UNC5D: variants seen among roughly 807,000 people sequenced by gnomAD.
UNC5D encodes the protein unc-5 netrin receptor D, also known as netrin receptor UNC5D.
Under a neutral mutation model 105.4 loss-of-function variants are expected in UNC5D, and 39 were observed. The observed-to-expected ratio is 0.37, with a 90% CI of 0.29 to 0.48. The LOEUF is 0.48. Among genes scored for constraint, UNC5D ranks in the 20% least tolerant of loss-of-function variants. UNC5D has a pLI of 0.98. For missense variants in UNC5D, 991 were observed against 1,202.4 expected, an observed-to-expected ratio of 0.82 and a Z score of 2.60; for synonymous variants, 452 against 450.4, an observed-to-expected ratio of 1.00 and a Z score of -0.04.
rs181273929 is a variant in UNC5D, at chr8:35,786,209, A to G, written c.2658-4150A>G. On this transcript the variant is annotated intron_variant, in intron 16 of 16. Coordinates refer to ENST00000404895, the MANE Select transcript of UNC5D (RefSeq NM_080872.4). ...TTCTACTATTTTTAATAAGGCCAAT[A>G]TATTCTTCTATGTATATATTAAAAT... Among the ~76,000 whole-genome samples the G allele has an allele frequency of 1.4e-3, 207 of 152,300 alleles. 2 individuals carry two copies. The highest frequency in any genetic ancestry group is 2.7e-3 in the Non-Finnish European group (181 of 68,024).
chr8:35,589,628 T>G (rs1819029804), intron 3 of UNC5D, among the ~76,000 whole-genome samples: 1 of 152,112 alleles, frequency 6.6e-6, no homozygotes, highest in Admixed American at 6.6e-5. Context: ...CCACCAAAAC[T>G]ACTTCTCTTT....
chr8:35,331,871 A>G (rs967848820), intron 1 of UNC5D, among the ~76,000 whole-genome samples: 2 of 152,168 alleles, frequency 1.3e-5, no homozygotes, highest in African/African-American at 4.8e-5. Flanking sequence ...TTCTTTGCCC[A>G]GATCTTGGTA....
intron 1 of UNC5D, among the ~76,000 whole-genome samples, chr8:35,404,332 T>C (rs779727294): frequency 1.3e-5 from 2 of 152,104 alleles, no homozygotes; most frequent in Non-Finnish European, 2.9e-5. Context: ...CAATGTACCA[T>C]CCTGACACCC....
intron 1 of UNC5D, among the ~76,000 whole-genome samples, chr8:35,432,233 T>C (rs190811164): frequency 5.1e-4 from 78 of 152,272 alleles, no homozygotes; most frequent in Admixed American, 2.6e-3. Flanking sequence ...CTGGGGAAAA[T>C]ATTTAAAATA....
chr8:35,604,366 T>A (rs190374294), intron 4 of UNC5D, among the ~76,000 whole-genome samples: 1 of 152,360 alleles, frequency 6.6e-6, no homozygotes, highest in East Asian at 1.9e-4. Flanking sequence ...ATGTGGAATA[T>A]TGGCCCCCAC....
At chr8:35,619,329 CG>C (rs1821215033) in intron 4 of UNC5D, among the ~76,000 whole-genome samples, 1 of 152,096 alleles carries the variant, frequency 6.6e-6, no homozygotes, top group East Asian at 1.9e-4. Flanking sequence ...GAAGCAAGAT[CG>C]GCATGGTCAA....
At chr8:35,374,316 A>G (rs894550594) in intron 1 of UNC5D, among the ~76,000 whole-genome samples, 1 of 152,190 alleles carries the variant, frequency 6.6e-6, no homozygotes, top group Non-Finnish European at 1.5e-5. Context: ...TTAAAGTTGT[A>G]CTGGTGAAAA....
At chr8:35,293,150 A>T (rs2128863520) in intron 1 of UNC5D, among the ~76,000 whole-genome samples, 2 of 152,280 alleles carry the variant, frequency 1.3e-5, no homozygotes, top group Middle Eastern at 6.8e-3. Context: ...GATGAGGAAG[A>T]TGAGGGTTTG....
intron 4 of UNC5D, among the ~76,000 whole-genome samples, chr8:35,617,169 C>A (rs951545063): frequency 2.0e-5 from 3 of 152,184 alleles, no homozygotes; most frequent in East Asian, 3.9e-4. Context: ...GCCACAATCA[C>A]CACAGCCACA....
chr8:35,446,000 T>C (rs192653979), intron 1 of UNC5D, among the ~76,000 whole-genome samples: 9 of 152,114 alleles, frequency 5.9e-5, no homozygotes, highest in Middle Eastern at 3.4e-3. Flanking sequence ...GCATTGACAA[T>C]TTTTTCTTAA....
intron 4 of UNC5D, among the ~76,000 whole-genome samples, chr8:35,642,192 A>T (rs758181265): frequency 2.8e-4 from 42 of 152,246 alleles, no homozygotes; most frequent in Middle Eastern, 6.8e-3. Context: ...TCACACATTC[A>T]TACGATCAGA....
At chr8:35,394,468 G>A (rs1321671586) in intron 1 of UNC5D, among the ~76,000 whole-genome samples, 1 of 151,978 alleles carries the variant, frequency 6.6e-6, no homozygotes, top group African/African-American at 2.4e-5. Flanking sequence ...ATAGTGAGAA[G>A]AATGTGGAAA....
At chr8:35,547,982 T>C (rs1020181672) in intron 1 of UNC5D, among the ~76,000 whole-genome samples, 27 of 152,294 alleles carry the variant, frequency 1.8e-4, no homozygotes, top group African/African-American at 6.0e-4. Context: ...GCAGAAAGCA[T>C]CCAGCACGGG....
At chr8:35,647,913 A>G (rs1192440106) in intron 4 of UNC5D, among the ~76,000 whole-genome samples, 1 of 152,194 alleles carries the variant, frequency 6.6e-6, no homozygotes, top group Non-Finnish European at 1.5e-5. Context: ...TCCAAAGACA[A>G]CTCAGATAAT....
At chr8:35,585,511 T>C (rs1818730153) in intron 3 of UNC5D, among the ~76,000 whole-genome samples, 1 of 150,590 alleles carries the variant, frequency 6.6e-6, no homozygotes, top group Non-Finnish European at 1.5e-5. Context: ...TATAATATAT[T>C]ATTGCAACCA....
At chr8:35,268,888 A>G (rs1341884199) in intron 1 of UNC5D, among the ~76,000 whole-genome samples, 1 of 152,156 alleles carries the variant, frequency 6.6e-6, no homozygotes, top group Admixed American at 6.5e-5. Context: ...ATAAATCTAC[A>G]TTTATTGGGG....
At chr8:35,745,996 C>A (rs1829986969) in intron 11 of UNC5D, among the ~76,000 whole-genome samples, 1 of 151,200 alleles carries the variant, frequency 6.6e-6, no homozygotes, top group Non-Finnish European at 1.5e-5. Flanking sequence ...TTTTTGTCCA[C>A]ATCCAATTAA....
intron 1 of UNC5D, among the ~76,000 whole-genome samples, chr8:35,490,706 G>C (rs1363214995): frequency 6.6e-6 from 1 of 151,982 alleles, no homozygotes; most frequent in Non-Finnish European, 1.5e-5. Flanking sequence ...AAATGTTTCT[G>C]GTGTTTCAGA....
intron 1 of UNC5D, among the ~76,000 whole-genome samples, chr8:35,387,966 A>G (rs1054172857): frequency 6.6e-6 from 1 of 152,232 alleles, no homozygotes; most frequent in African/African-American, 2.4e-5. Context: ...AAATAATACC[A>G]GGTTTCCCAA....
Sources: gnomAD v4.1 joint callset for allele counts (sites outside exome capture counted in the v4.1 genomes callset) on GRCh38, gnomAD v4.1.1 for gene constraint, MANE v1.5 for transcripts, NCBI Gene and HGNC (gene_info 2026-07-23, HGNC 2026-07-21) for gene names.